The following ROBO1 variants were observed in gnomAD, a reference collection of about 807,000 sequenced individuals.
The protein encoded by ROBO1 is roundabout homolog 1.
ROBO1 carries 149 observed loss-of-function variants against 195.9 expected under a neutral mutation model. The ratio of observed to expected loss-of-function variants is 0.76; its 90% CI spans 0.67 to 0.87. The LOEUF is 0.87. Ranked by LOEUF, ROBO1 falls within the 40% of genes least tolerant of loss-of-function variation. ROBO1 has a pLI of 0.00. For missense variants in ROBO1, 1,933 were observed against 2,068.3 expected, an observed-to-expected ratio of 0.93 and a Z score of 1.27; for synonymous variants, 816 against 733.2, an observed-to-expected ratio of 1.11 and a Z score of -1.82.
chr3:78,690,964 C>G (rs2081160104), intron 8 of ROBO1, among the ~76,000 whole-genome samples: 1 of 152,070 alleles, frequency 6.6e-6, no homozygotes, highest in Non-Finnish European at 1.5e-5. Flanking sequence ...TACATTCATC[C>G]TGAAGCAATC....
intron 4 of ROBO1, among the ~76,000 whole-genome samples, chr3:78,929,804 C>T (rs779310951): frequency 1.3e-5 from 2 of 151,984 alleles, no homozygotes; most frequent in Admixed American, 6.6e-5. Flanking sequence ...TGTGCTTGAC[C>T]GAGAAACAAC....
At chr3:78,780,322 T>C (rs2083637321) in intron 4 of ROBO1, among the ~76,000 whole-genome samples, 1 of 152,196 alleles carries the variant, frequency 6.6e-6, no homozygotes, top group Admixed American at 6.5e-5. Flanking sequence ...TAAAGCAGCA[T>C]ATTACAATAA....
intron 1 of ROBO1, among the ~76,000 whole-genome samples, chr3:79,639,187 C>T (rs1945584543): frequency 6.6e-6 from 1 of 152,150 alleles, no homozygotes; most frequent in East Asian, 1.9e-4. Flanking sequence ...ATAGAATACA[C>T]CATCACATGA....
chr3:79,270,150 G>C (rs909442591), intron 2 of ROBO1, among the ~76,000 whole-genome samples: 2 of 150,074 alleles, frequency 1.3e-5, no homozygotes, highest in African/African-American at 4.9e-5. Context: ...ATGTTCCTTG[G>C]GGAATTTGGA....
rs574036096 is a variant in ROBO1 at position 78,717,232 on chromosome 3, A to C, written c.917+43T>G. ...GAGATGATGTGATGAGAAACGTAGA[A>C]ATGCTGAGTTGACAAATCATATCAT... On this transcript the variant is annotated intron_variant, in intron 7 of 30. Coordinates refer to ENST00000464233, the MANE Select transcript of ROBO1 (RefSeq NM_002941.4). 9.9e-6 allele frequency: 15 copies of C among 1,513,360 alleles called. No homozygotes were observed. In the East Asian group the frequency reaches 2.8e-4, roughly 28 times the overall value. The allele number at this position is 1,513,360 out of a possible 1,614,324, so 93.7% of individuals were successfully genotyped here.
chr3:79,573,317 C>T (rs576222703), intron 2 of ROBO1, among the ~76,000 whole-genome samples: 193 of 152,170 alleles, frequency 1.3e-3, no homozygotes, highest in African/African-American at 4.3e-3. Context: ...CTCTCAAGTT[C>T]TGGGATGACA....
intron 2 of ROBO1, among the ~76,000 whole-genome samples, chr3:79,581,390 T>C (rs139824748): frequency 6.6e-6 from 1 of 152,256 alleles, no homozygotes; most frequent in Non-Finnish European, 1.5e-5. Flanking sequence ...AAAGGCCATA[T>C]CATCAAAGTA....
At chr3:78,885,540 T>G (rs1240429374) in intron 4 of ROBO1, among the ~76,000 whole-genome samples, 1 of 151,154 alleles carries the variant, frequency 6.6e-6, no homozygotes, top group Non-Finnish European at 1.5e-5. Flanking sequence ...AGTAGTTATA[T>G]TGGTAAAGTA....
chr3:79,237,781 A>G (rs1196271919), intron 2 of ROBO1, among the ~76,000 whole-genome samples: 1 of 152,136 alleles, frequency 6.6e-6, no homozygotes, highest in Non-Finnish European at 1.5e-5. Context: ...ATAAAAAAAA[A>G]TTTACTGAGA....
intron 29 of ROBO1, among the ~76,000 whole-genome samples, chr3:78,605,756 T>C (rs1703427235): frequency 6.6e-6 from 1 of 152,196 alleles, no homozygotes; most frequent in East Asian, 1.9e-4. Flanking sequence ...CCCTGTTCTT[T>C]ATTTTATTTT....
intron 2 of ROBO1, among the ~76,000 whole-genome samples, chr3:79,176,739 TG>T (rs1328893089): frequency 6.6e-6 from 1 of 152,150 alleles, no homozygotes; most frequent in Non-Finnish European, 1.5e-5. Flanking sequence ...GGGTTAGAGG[TG>T]TGAGCTGCCG....
At chr3:78,907,540 C>A (rs1559986657) in intron 4 of ROBO1, among the ~76,000 whole-genome samples, 2 of 152,010 alleles carry the variant, frequency 1.3e-5, no homozygotes, top group Non-Finnish European at 2.9e-5. Context: ...GACCAGATGA[C>A]CTTTTGCAGT....
chr3:78,827,390 G>A (rs1211052174), intron 4 of ROBO1, among the ~76,000 whole-genome samples: 2 of 152,138 alleles, frequency 1.3e-5, no homozygotes, highest in Admixed American at 1.3e-4. Context: ...TACAAATGTA[G>A]TTCAATCTCT....
chr3:79,014,116 C>T (rs369628940), intron 3 of ROBO1, among the ~76,000 whole-genome samples: 1 of 152,100 alleles, frequency 6.6e-6, no homozygotes, highest in East Asian at 1.9e-4. Flanking sequence ...TGCAAACTAT[C>T]TAGTTCTTTA....
intron 2 of ROBO1, among the ~76,000 whole-genome samples, chr3:79,500,130 T>G (rs1333786780): frequency 1.6e-5 from 2 of 126,752 alleles, no homozygotes; most frequent in African/African-American, 7.2e-5. Context: ...TTTTTTTTTT[T>G]TTTTTTTTTT....
chr3:79,547,258 G>A (rs544782243), intron 2 of ROBO1, among the ~76,000 whole-genome samples: 13 of 147,660 alleles, frequency 8.8e-5, no homozygotes, highest in Non-Finnish European at 1.8e-4. Flanking sequence ...AGAATATAAG[G>A]TAAGAAACAC....
intron 2 of ROBO1, among the ~76,000 whole-genome samples, chr3:79,171,413 C>CAAAAAA (rs34894151): frequency 1.5e-5 from 1 of 65,848 alleles, no homozygotes; most frequent in Non-Finnish European, 3.3e-5. Flanking sequence ...ATGAAAATTG[C>CAAAAAA]AAAAAAAAAA....
intron 2 of ROBO1, among the ~76,000 whole-genome samples, chr3:79,260,593 G>C (rs1207939592): frequency 3.3e-5 from 5 of 152,080 alleles, no homozygotes; most frequent in Admixed American, 1.3e-4. Flanking sequence ...AAGTAGTTTA[G>C]TTATGATTGT....
In ROBO1 at chr3:79,432,633, C is replaced by T. The variant is rs984532945; in HGVS notation, c.88+157191G>A. ...GCTTACTAAGCATCTCTGCCAACTC[C>T]AATCTCAGCCTAAGAGAGAGATAGA... is the stretch of plus-strand genomic sequence containing the variant. On this transcript the variant is annotated intron_variant, in intron 2 of 30. Coordinates refer to ENST00000464233, the MANE Select transcript of ROBO1 (RefSeq NM_002941.4). Among the ~76,000 whole-genome samples, 4 of 152,240 alleles carry T rather than the reference C, an allele frequency of 2.6e-5. No individual in the cohort carries two copies. In the East Asian group the frequency reaches 7.7e-4, roughly 29 times the overall value.
Sources: gnomAD v4.1 joint callset for allele counts (sites outside exome capture counted in the v4.1 genomes callset) on GRCh38, gnomAD v4.1.1 for gene constraint, MANE v1.5 for transcripts, NCBI Gene and HGNC (gene_info 2026-07-23, HGNC 2026-07-21) for gene names.